Variants in CABLES1 observed in about 807,000 individuals in gnomAD.
The protein encoded by CABLES1 is Cdk5 and Abl enzyme substrate 1, also known as CDK5 and ABL1 enzyme substrate 1.
Under a neutral mutation model 57.8 loss-of-function variants are expected in CABLES1, and 36 were observed. The observed-to-expected ratio is 0.62, with a 90% CI of 0.48 to 0.82. The LOEUF is 0.82. Ranked by LOEUF, CABLES1 falls within the 40% of genes least tolerant of loss-of-function variation. The pLI is 0.00. For synonymous variants in CABLES1, 374 were observed against 363.0 expected (o/e 1.03, Z -0.35); for missense variants, 767 against 836.6 (o/e 0.92, Z 1.03).
intron 3 of CABLES1, chr18:23,204,627 C>G (rs2047349495): frequency 6.6e-6 from 1 of 152,388 alleles, no homozygotes; most frequent in African/African-American, 2.4e-5. Flanking sequence ...TTCGTCTGTT[C>G]TCACACTGCT....
rs190105019 is a variant in CABLES1 at position 23,252,946 on chromosome 18, C to T, written c.1447-14C>T. ...TGTTTTAAGGAGTGATCCGTGTTCC[C>T]CTGTCTGTTACAGACAACAGTGATT... On this transcript the variant is annotated splice_polypyrimidine_tract_variant and intron_variant, in intron 7 of 9. Coordinates refer to ENST00000256925, the MANE Select transcript of CABLES1 (RefSeq NM_001100619.3). The T allele has an allele frequency of 2.0e-5, 31 of 1,546,438 alleles. No individual in the cohort carries two copies. Among genetic ancestry groups the T allele is most frequent in the Non-Finnish European group, 2.7e-5 (30 of 1,118,610 alleles).
rs766279952 is a variant in CABLES1 at position 23,136,104 on chromosome 18, C to G, written c.342C>G (p.Ala114=). Residue 114 remains alanine, a synonymous_variant, in exon 1 of 10, where the codon GCC becomes GCG. Transcript: ENST00000256925. ...ARTRFSLLAA[A]ERGGCIALAA... ...CTCGGTTCAGCTTGCTCGCCGCTGC[C>G]GAGCGGGGCGGCTGCATCGCGCTCG... 24 of 1,186,628 alleles carry G rather than the reference C, an allele frequency of 2.0e-5. No individual in the cohort carries two copies. The Admixed American group carries it at 5.5e-4, about 27-fold the overall frequency. The allele number at this position is 1,186,628 out of a possible 1,614,324, so 73.5% of individuals were successfully genotyped here. A position where few individuals can be genotyped will look rare whatever the true frequency, so the allele number is the denominator to read the frequency against.
chr18:23,172,363 T>C (rs1320327685), intron 1 of CABLES1, among the ~76,000 whole-genome samples: 2 of 152,136 alleles, frequency 1.3e-5, no homozygotes, highest in Non-Finnish European at 2.9e-5. Flanking sequence ...ACACTCTGTT[T>C]TAGATAAGAG....
intron 4 of CABLES1, 100 bp downstream of exon 4, chr18:23,214,154 G>A (rs774253760): frequency 1.3e-6 from 1 of 761,624 alleles, no homozygotes; most frequent in African/African-American, 1.8e-5. Context: ...AAGTTGCCTT[G>A]CTTTGATACT....
At chr18:23,168,497 A>G (rs1469414624) in intron 1 of CABLES1, among the ~76,000 whole-genome samples, 1 of 152,208 alleles carries the variant, frequency 6.6e-6, no homozygotes, top group Non-Finnish European at 1.5e-5. Flanking sequence ...CTAGGTGCAG[A>G]GTTTCAGCCT....
intron 3 of CABLES1, among the ~76,000 whole-genome samples, chr18:23,206,870 G>T (rs1598829676): frequency 6.7e-6 from 1 of 149,866 alleles, no homozygotes; most frequent in Non-Finnish European, 1.5e-5. Context: ...GAATACAGTG[G>T]CACAATCATA....
intron 3 of CABLES1, among the ~76,000 whole-genome samples, chr18:23,208,543 C>T (rs2047381157): frequency 6.6e-6 from 1 of 152,150 alleles, no homozygotes; most frequent in African/African-American, 2.4e-5. Context: ...AATGAGTTTT[C>T]CAAATTTCAT....
At chr18:23,194,575 A>G in intron 3 of CABLES1, 35 bp downstream of exon 3, 1 of 1,393,926 alleles carries the variant, frequency 7.2e-7, no homozygotes, top group Non-Finnish European at 1.0e-6. Flanking sequence ...TGCCAGCACC[A>G]GTGGGTGGAG....
At chr18:23,216,928 G>A (rs1029265354) in intron 4 of CABLES1, among the ~76,000 whole-genome samples, 1 of 152,106 alleles carries the variant, frequency 6.6e-6, no homozygotes, top group African/African-American at 2.4e-5. Context: ...CAGCAGATTT[G>A]GCTGCTGTGT....
intron 1 of CABLES1, chr18:23,155,869 T>C (rs749187065): frequency 6.8e-6 from 11 of 1,613,316 alleles, no homozygotes; most frequent in East Asian, 4.5e-5. Context: ...AAAATGAGTT[T>C]GGAGTGGTCT....
intron 3 of CABLES1, among the ~76,000 whole-genome samples, chr18:23,213,585 C>T (rs1198147842): frequency 6.6e-6 from 1 of 152,204 alleles, no homozygotes; most frequent in Non-Finnish European, 1.5e-5. Flanking sequence ...ATTGCTCTCA[C>T]ATTGTTTACT....
intron 1 of CABLES1, among the ~76,000 whole-genome samples, chr18:23,139,622 C>CA (rs1269339593): frequency 1.3e-5 from 2 of 152,174 alleles, no homozygotes; most frequent in African/African-American, 4.8e-5. Context: ...CACCTCTGTT[C>CA]ACTGGACTGG....
intron 4 of CABLES1, among the ~76,000 whole-genome samples, chr18:23,221,039 C>G (rs909594191): frequency 6.6e-6 from 1 of 152,146 alleles, no homozygotes; most frequent in South Asian, 2.1e-4. Context: ...TTCCCCGATA[C>G]ACCCAAGTTG....
Position 23,257,310 on chromosome 18 carries a change from C to T in CABLES1, c.1845C>T (p.Leu615=). Residue 615 remains leucine (L), a synonymous_variant, in exon 10 of 10, where the codon CTC becomes CTT. Transcript: ENST00000256925. ...TGTTAGTGGCCTTGGAATTCGCCCT[C>T]CACTTGCCCGAGCACGAAGTCATGC... ...FPVLVALEFA[L]HLPEHEVMPH... 2 of 1,614,014 alleles carry T rather than the reference C, an allele frequency of 1.2e-6. No homozygotes were observed. The highest frequency in any genetic ancestry group is 1.1e-5 in the South Asian group (1 of 91,032).
chr18:23,149,436 C>T (rs535075250), intron 1 of CABLES1, among the ~76,000 whole-genome samples: 2 of 152,204 alleles, frequency 1.3e-5, no homozygotes, highest in Admixed American at 6.5e-5. Context: ...GTATGTGCCA[C>T]CTTGCCAGTA....
chr18:23,232,470 A>G (rs2047573176), intron 4 of CABLES1, among the ~76,000 whole-genome samples: 1 of 152,054 alleles, frequency 6.6e-6, no homozygotes, highest in Admixed American at 6.5e-5. Flanking sequence ...TGCCTTGTTC[A>G]CGTTTTTGCT....
intron 3 of CABLES1, among the ~76,000 whole-genome samples, chr18:23,210,631 A>G (rs2047398085): frequency 6.6e-6 from 1 of 152,230 alleles, no homozygotes; most frequent in African/African-American, 2.4e-5. Flanking sequence ...TATCAGAACC[A>G]TACTGTTCAA....
At chr18:23,225,480 C>T (rs2047521255) in intron 4 of CABLES1, among the ~76,000 whole-genome samples, 1 of 151,526 alleles carries the variant, frequency 6.6e-6, no homozygotes, top group Non-Finnish European at 1.5e-5. Context: ...GTGAGGAGAC[C>T]ATTGTTTTGC....
At chr18:23,177,735 C>G (rs1364984054) in intron 1 of CABLES1, among the ~76,000 whole-genome samples, 1 of 152,160 alleles carries the variant, frequency 6.6e-6, no homozygotes, top group East Asian at 1.9e-4. Context: ...CCATGGCCTG[C>G]CTGCTCCCTC....
Sources: allele counts gnomAD v4.1 joint callset (sites outside exome capture counted in the v4.1 genomes callset), GRCh38; gene constraint gnomAD v4.1.1; transcripts MANE v1.5; gene names NCBI Gene and HGNC (gene_info 2026-07-23, HGNC 2026-07-21).